AOX1: variants seen among roughly 807,000 people sequenced by gnomAD.
The protein encoded by AOX1 is aldehyde oxidase 1, also known as aldehyde oxidase.
In AOX1, 153 loss-of-function variants were observed where a neutral mutation model predicts 169.5. The ratio of observed to expected loss-of-function variants is 0.90; its 90% CI spans 0.79 to 1.03. The LOEUF (loss-of-function observed/expected upper bound fraction) is 1.03. Ranked by LOEUF, AOX1 falls within the 50% of genes least tolerant of loss-of-function variation. AOX1 has a pLI of 0.00. For missense variants in AOX1, 1,656 were observed against 1,663.9 expected, an observed-to-expected ratio of 1.00 and a Z score of 0.08; for synonymous variants, 562 against 581.9, an observed-to-expected ratio of 0.97 and a Z score of 0.49.
At chr2:200,680,836 A>G (rs2105785202), downstream of AOX1, among the ~76,000 whole-genome samples, 1 of 152,284 alleles carries the variant, frequency 6.6e-6, no homozygotes, top group Admixed American at 6.5e-5. Flanking sequence ...GTGAGCCACC[A>G]TATACCCAGC....
chr2:200,605,421 G>A lies in AOX1; in HGVS notation c.815-115G>A, dbSNP rs547084200. ...TTGGCAATAAACAGATGAATAGAAA[G>A]ATACAATATTTTTAGATATTTAAAG... On this transcript the variant is annotated intron_variant, in intron 9 of 34. Coordinates refer to ENST00000374700, the MANE Select transcript of AOX1 (RefSeq NM_001159.4). The A allele has an allele frequency of 1.3e-5, 6 of 447,604 alleles. No homozygotes were observed. The South Asian group carries it at 4.1e-4, about 31-fold the overall frequency. 27.7% of individuals were successfully genotyped at this position (447,604 alleles called of 1,614,324 possible). A position where few individuals can be genotyped will look rare whatever the true frequency, so the allele number is the denominator to read the frequency against.
chr2:200,633,887 G>C (rs376065147), intron 20 of AOX1, among the ~76,000 whole-genome samples: 2 of 152,156 alleles, frequency 1.3e-5, no homozygotes, highest in Admixed American at 1.3e-4. Context: ...GGAGAAGAAG[G>C]GGGTGATGCC....
At position 200,637,141 on chromosome 2, in the gene AOX1, TATCAC is replaced by T. The variant is rs1367186343; in HGVS notation, c.2480+100_2480+104del. 6 of 1,434,122 alleles carry T rather than the reference TATCAC, an allele frequency of 4.2e-6. No individual in the cohort carries two copies. The African/African-American group carries it at 8.5e-5, about 20-fold the overall frequency. The allele number at this position is 1,434,122 out of a possible 1,614,324, so 88.8% of individuals were successfully genotyped here. On this transcript the variant is annotated intron_variant, in intron 22 of 34. Coordinates refer to ENST00000374700, the MANE Select transcript of AOX1 (RefSeq NM_001159.4). ...AAGAACCTGGGCCAAGATTATTTAA[TATCAC>T]ATATACGATACAAACACACAAACAA...
intron 25 of AOX1, among the ~76,000 whole-genome samples, chr2:200,645,123 C>G (rs1022713361): frequency 6.6e-6 from 1 of 151,562 alleles, no homozygotes; most frequent in Non-Finnish European, 1.5e-5. Flanking sequence ...GTCTTGTTCC[C>G]GTTGAATGCC....
Position 200,620,202 on chromosome 2 carries a change from T to G in AOX1, c.1705-448T>G, listed in dbSNP as rs543003207. ...GTCTTGGTGTTATTAATAGTGACTT[T>G]TTTTTTTTTTTTTTTTGATGGCGTC... On this transcript the variant is annotated intron_variant, in intron 16 of 34. Transcript: ENST00000374700. 4.6e-3 allele frequency among the ~76,000 whole-genome samples: 425 copies of G among 91,686 alleles called. 8 individuals are homozygous for G. The highest frequency in any genetic ancestry group is 0.017 in the African/African-American group (390 of 22,858). 60.1% of individuals were successfully genotyped at this position (91,686 alleles called of 152,430 possible).
rs139831421 is a variant in AOX1 at position 200,613,922 on chromosome 2, C to T, written c.1567C>T (p.Leu523Phe). ...CAAGAGGACTCTCATCATCAGCTTC[C>T]TCTTCAAGTTCTACCTGGAAGTGTC... Reference protein sequence around the residue: ...EFKRTLIISFLFKFYLEVSQI... With the variant: ...EFKRTLIISFFFKFYLEVSQI... Residue 523 changes from leucine to phenylalanine, a missense_variant, in exon 15 of 35, where the codon CTC becomes TTC. Physicochemically the swap from Leu to Phe is conservative, Grantham distance 22. Coordinates refer to ENST00000374700, the MANE Select transcript of AOX1 (RefSeq NM_001159.4). The T allele has an allele frequency of 1.5e-5, 24 of 1,612,440 alleles. No individual in the cohort carries two copies. In the African/African-American group the frequency reaches 2.9e-4, roughly 20 times the overall value.
intron 4 of AOX1, among the ~76,000 whole-genome samples, chr2:200,598,438 A>G (rs903026563): frequency 1.3e-5 from 2 of 152,098 alleles, no homozygotes; most frequent in African/African-American, 4.8e-5. Context: ...TTATGTATAT[A>G]TTGCCCATAA....
At chr2:200,671,943 C>T (rs887366363), downstream of AOX1, among the ~76,000 whole-genome samples, 1 of 151,966 alleles carries the variant, frequency 6.6e-6, no homozygotes, top group African/African-American at 2.4e-5. Flanking sequence ...GTGGTATATC[C>T]ACACAAGAGA....
chr2:200,669,499 A>T, intron 33 of AOX1, 76 bp from the exon 34 acceptor site: 1 of 1,468,590 alleles, frequency 6.8e-7, no homozygotes, highest in Non-Finnish European at 9.3e-7. Context: ...TTATATATGC[A>T]CATATGCTAT....
chr2:200,605,553 A>G lies in AOX1; in HGVS notation c.832A>G (p.Lys278Glu), dbSNP rs746371880. ...NTSVGPEVKF[K>E]GVFHPVIISP... is the part of the protein sequence containing the mutation. Reference sequence around the variant, plus strand: ...TCCTTTAGGGCCTGAAGTGAAATTTAAAGGCGTCTTTCACCCAGTTATAAT... The same window carrying G: ...TCCTTTAGGGCCTGAAGTGAAATTTGAAGGCGTCTTTCACCCAGTTATAAT... Residue 278 changes from lysine (K) to glutamate (E), a missense_variant, in exon 10 of 35, where the codon AAA (lysine) becomes GAA (glutamate). Lys to Glu is a moderately conservative substitution (Grantham distance 56). Transcript: ENST00000374700. 2 of 1,549,610 alleles carry G rather than the reference A, an allele frequency of 1.3e-6. No homozygotes were observed. The highest frequency in any genetic ancestry group is 1.4e-5 in the African/African-American group (1 of 71,812).
At chr2:200,679,664 C>T (rs1184574413), downstream of AOX1, among the ~76,000 whole-genome samples, 3 of 152,078 alleles carry the variant, frequency 2.0e-5, no homozygotes, top group Non-Finnish European at 4.4e-5. Context: ...ACGCCCCCCC[C>T]CGAGTCTGTC....
intron 31 of AOX1, among the ~76,000 whole-genome samples, chr2:200,664,280 C>T (rs2035886069): frequency 6.6e-6 from 1 of 152,204 alleles, no homozygotes; most frequent in South Asian, 2.1e-4. Flanking sequence ...TGCGCCACCA[C>T]ACCCAGCTAA....
Position 200,595,360 on chromosome 2 carries a change from G to C in AOX1, c.192G>C (p.Lys64Asn). 6.2e-7 allele frequency: 1 copy of C among 1,612,190 alleles called. No individual in the cohort carries two copies. The highest frequency in any genetic ancestry group is 8.5e-7 in the Non-Finnish European group (1 of 1,178,788). ...VMISRYNPIT[K>N]RIRHHPANAC... The stretch of plus-strand genomic sequence containing the variant: ...TATCACGATACAACCCCATCACCAA[G>C]AGGATAAGGTACCGTGCAGCAAAGT... Residue 64 changes from lysine to asparagine, a missense_variant, in exon 3 of 35, where the codon AAG becomes AAC. Physicochemically the swap from Lys to Asn is moderately conservative, Grantham distance 94. Coordinates refer to ENST00000374700, the MANE Select transcript of AOX1 (RefSeq NM_001159.4).
At chr2:200,642,128 TAA>T (rs879652522) in intron 24 of AOX1, among the ~76,000 whole-genome samples, 1 of 147,160 alleles carries the variant, frequency 6.8e-6, no homozygotes, top group African/African-American at 2.5e-5. Flanking sequence ...AAACTCTGTC[TAA>T]AAAAAAAAGA....
intron 15 of AOX1, 35 bp downstream of exon 15, chr2:200,614,001 C>G (rs1435705210): frequency 1.3e-6 from 2 of 1,598,382 alleles, no homozygotes; most frequent in East Asian, 4.5e-5. Flanking sequence ...TTCCCCAGTA[C>G]TGGGAGCTAT....
At position 200,630,428 on chromosome 2, in the gene AOX1, C is replaced by T. The variant is rs139938313; in HGVS notation, c.2221+2979C>T. 6.4e-3 allele frequency among the ~76,000 whole-genome samples: 973 copies of T among 151,682 alleles called. 12 individuals carry two copies. Among genetic ancestry groups the T allele is most frequent in the African/African-American group, 0.022 (922 of 41,350 alleles). On this transcript the variant is annotated intron_variant, in intron 20 of 34. Coordinates refer to ENST00000374700, the MANE Select transcript of AOX1 (RefSeq NM_001159.4). ...ATCCCAGCTACTCGGAAGGCTGAGG[C>T]ACCAGAATGGCTTGAACCCGGTAGG... is the stretch of plus-strand genomic sequence containing the variant.
chr2:200,655,075 A>G (rs1242908474), intron 26 of AOX1, among the ~76,000 whole-genome samples: 5 of 152,226 alleles, frequency 3.3e-5, no homozygotes, highest in Admixed American at 6.5e-5. Flanking sequence ...TATGAATTAC[A>G]TGCACACTTT....
In AOX1 at chr2:200,651,116, A is replaced by G. The variant is rs1406834712; in HGVS notation, c.2990A>G (p.Asn997Ser). Reference protein sequence around the residue: ...SLRKVAVEKFNAENYWKKKGL... With the variant: ...SLRKVAVEKFSAENYWKKKGL... ...AGGAAAGTTGCTGTGGAAAAGTTCA[A>G]TGCAGAGAATTATTGGAAGAAGAAA... Residue 997 changes from asparagine to serine, a missense_variant, in exon 26 of 35, where the codon AAT becomes AGT. By Grantham distance (46) the Asn-to-Ser change is conservative (BLOSUM62 1). Coordinates refer to ENST00000374700, the MANE Select transcript of AOX1 (RefSeq NM_001159.4). 1.2e-6 allele frequency: 2 copies of G among 1,614,200 alleles called. No individual in the cohort carries two copies. Among genetic ancestry groups the G allele is most frequent in the East Asian group, 2.2e-5 (1 of 44,882 alleles).
chr2:200,620,726 CG>C lies in AOX1; in HGVS notation c.1786del (p.Glu596ArgfsTer17), dbSNP rs1428072170. ...CATCTGTCTGGTGTGAAGCATGCCA[CG>C]GGGGAGGCCATCTACTGTGATGACA... The part of the protein sequence containing the change: ...IMHLSGVKHA[T>X]GEAIYCDDMP... On this transcript the variant is annotated frameshift_variant, in exon 17 of 35. Coordinates refer to ENST00000374700, the MANE Select transcript of AOX1 (RefSeq NM_001159.4). LOFTEE classifies it high-confidence loss of function. 1.2e-6 allele frequency: 2 copies of C among 1,605,084 alleles called. No homozygotes were observed. Among genetic ancestry groups the C allele is most frequent in the Non-Finnish European group, 1.7e-6 (2 of 1,177,116 alleles).
Sources: gnomAD v4.1 joint callset for allele counts (sites outside exome capture counted in the v4.1 genomes callset) on GRCh38, gnomAD v4.1.1 for gene constraint, MANE v1.5 for transcripts, NCBI Gene and HGNC (gene_info 2026-07-23, HGNC 2026-07-21) for gene names.